Variants in OCA2 observed in about 807,000 individuals in gnomAD.
The protein encoded by OCA2 is OCA2 melanosomal transmembrane protein.
Under a neutral mutation model 100.2 loss-of-function variants are expected in OCA2, and 77 were observed. The observed-to-expected ratio is 0.77, with a 90% CI of 0.64 to 0.93. The LOEUF (loss-of-function observed/expected upper bound fraction) is 0.93. OCA2 is among the 40% of genes least tolerant of loss of function. The pLI, the probability that OCA2 is intolerant of heterozygous loss-of-function variation, is 0.00. For missense variants in OCA2, 1,062 were observed against 1,089.1 expected, an observed-to-expected ratio of 0.98 and a Z score of 0.35; for synonymous variants, 432 against 439.2, an observed-to-expected ratio of 0.98 and a Z score of 0.21.
At chr15:27,727,282 G>A in the OCA2 span, among the ~76,000 whole-genome samples, 1 of 152,198 alleles carries the variant, frequency 6.6e-6, no homozygotes, top group East Asian at 1.9e-4. Context: ...TCAACTGAGA[G>A]TCTAGGAATT....
chr15:27,847,228 G>A (rs2035569545), intron 22 of OCA2, among the ~76,000 whole-genome samples: 2 of 152,220 alleles, frequency 1.3e-5, no homozygotes, highest in South Asian at 4.1e-4. Flanking sequence ...CTGATGAACA[G>A]CACTTAGACA....
chr15:27,941,008 GT>G (rs1210597768), intron 18 of OCA2, among the ~76,000 whole-genome samples: 1 of 152,146 alleles, frequency 6.6e-6, no homozygotes, highest in Non-Finnish European at 1.5e-5. Context: ...TGACTGCAAA[GT>G]TAGGGATATC....
intron 9 of OCA2, 37 bp from the exon 10 acceptor site, chr15:27,990,684 C>T (rs1339183339): frequency 6.3e-7 from 1 of 1,586,722 alleles, no homozygotes; most frequent in Non-Finnish European, 8.7e-7. Context: ...CGTTCCAGTG[C>T]ACGAGGGAGT....
In OCA2 at chr15:27,766,529, G is replaced by C. The variant is rs917782923; in HGVS notation, c.2433-11057C>G. Among the ~76,000 whole-genome samples, 4 of 152,234 alleles carry C rather than the reference G, an allele frequency of 2.6e-5. No individual in the cohort carries two copies. The East Asian group carries it at 7.7e-4, about 29-fold the overall frequency. On this transcript the variant is annotated intron_variant, in intron 23 of 23. Transcript: ENST00000354638. ...GGTTGCTTAGTGAGGACACTAGGCA[G>C]TGTTGGCCTTGGCTTGGGGTGGTCA... is the stretch of plus-strand genomic sequence containing the variant.
intron 2 of OCA2, among the ~76,000 whole-genome samples, chr15:28,042,937 A>T (rs1388481881): frequency 6.6e-6 from 1 of 152,190 alleles, no homozygotes; most frequent in African/African-American, 2.4e-5. Flanking sequence ...GTTAGGGTTG[A>T]TGGTAACCTT....
At chr15:28,098,913 A>G (rs992126056) in intron 1 of OCA2, among the ~76,000 whole-genome samples, 1 of 152,158 alleles carries the variant, frequency 6.6e-6, no homozygotes, top group Admixed American at 6.5e-5. Context: ...CAAGTGGAAC[A>G]TTTGCTGTCT....
intron 23 of OCA2, among the ~76,000 whole-genome samples, chr15:27,810,152 G>A (rs147717425): frequency 1.1e-4 from 17 of 152,300 alleles, no homozygotes; most frequent in Admixed American, 3.3e-4. Context: ...ACACAGCATG[G>A]TACTGGTATA....
At chr15:28,069,370 C>G (rs574302442) in intron 2 of OCA2, among the ~76,000 whole-genome samples, 3 of 15,792 alleles carry the variant, frequency 1.9e-4, no homozygotes, top group African/African-American at 1.3e-3. Flanking sequence ...CTCCCTCTCC[C>G]TCTCCCTCTC....
At chr15:27,722,200 C>T in the OCA2 span, among the ~76,000 whole-genome samples, 1 of 152,232 alleles carries the variant, frequency 6.6e-6, no homozygotes, top group Non-Finnish European at 1.5e-5. Context: ...CTGGCCTCTA[C>T]GCTTAGACCG....
intron 19 of OCA2, among the ~76,000 whole-genome samples, chr15:27,890,458 G>C (rs2037410008): frequency 6.6e-6 from 1 of 152,142 alleles, no homozygotes; most frequent in African/African-American, 2.4e-5. Flanking sequence ...CTTGAATGCA[G>C]CCAGAAAGTA....
Position 27,952,780 on chromosome 15 carries a change from G to A in OCA2, c.1843-888C>T, listed in dbSNP as rs529790358. On this transcript the variant is annotated intron_variant, in intron 17 of 23. Transcript: ENST00000354638. Reference sequence around the variant, plus strand: ...CGCAACCTCCGCCTCCCAGGGTCACGTGATCCTCCTACCTCAGCCTCCCTC... The same window carrying A: ...CGCAACCTCCGCCTCCCAGGGTCACATGATCCTCCTACCTCAGCCTCCCTC... 2.8e-4 allele frequency among the ~76,000 whole-genome samples: 42 copies of A among 152,172 alleles called. No individual in the cohort carries two copies. The South Asian group carries it at 7.1e-3, about 26-fold the overall frequency.
At chr15:28,032,815 C>CAA (rs890086961) in intron 2 of OCA2, among the ~76,000 whole-genome samples, 3 of 143,320 alleles carry the variant, frequency 2.1e-5, no homozygotes, top group Non-Finnish European at 4.7e-5. Flanking sequence ...AAAAACAAAA[C>CAA]AAAAAAACAT....
chr15:27,957,864 G>T lies in OCA2; in HGVS notation c.1637-129C>A, dbSNP rs2040282421. 9.4e-7 allele frequency: 1 copy of T among 1,060,962 alleles called. No individual in the cohort carries two copies. 65.7% of individuals were successfully genotyped at this position (1,060,962 alleles called of 1,614,324 possible). ...ACTCGAGACGTGCAGGTAGCCCAGG[G>T]TCACCCAGAGCTTCTCAGCACCTGA... On this transcript the variant is annotated intron_variant, in intron 15 of 23. Transcript: ENST00000354638. This position sits in a 1 kb window ranked among gnomAD's most constrained non-coding sequence, Gnocchi z 4.3.
intron 15 of OCA2, among the ~76,000 whole-genome samples, chr15:27,958,886 G>A (rs1303324157): frequency 2.0e-5 from 3 of 152,144 alleles, no homozygotes; most frequent in Admixed American, 6.5e-5. Flanking sequence ...AGAGCAGCTC[G>A]GGGCAGATTC....
intron 19 of OCA2, among the ~76,000 whole-genome samples, chr15:27,911,074 G>A (rs1401381497): frequency 6.6e-6 from 1 of 152,204 alleles, no homozygotes; most frequent in Non-Finnish European, 1.5e-5. Context: ...AGGATAGTAA[G>A]CATGAGGAGA....
intron 23 of OCA2, among the ~76,000 whole-genome samples, chr15:27,771,138 C>A (rs1020628787): frequency 7.2e-6 from 1 of 139,054 alleles, no homozygotes; most frequent in Non-Finnish European, 1.6e-5. Flanking sequence ...TCCCTCCCTT[C>A]CTTCCCTCCC....
At chr15:27,918,436 A>G (rs888775630) in intron 19 of OCA2, among the ~76,000 whole-genome samples, 1 of 152,174 alleles carries the variant, frequency 6.6e-6, no homozygotes, top group Non-Finnish European at 1.5e-5. Flanking sequence ...GGACCCAAAT[A>G]AAAACATGAA....
the OCA2 span, among the ~76,000 whole-genome samples, chr15:27,724,814 C>CTT: frequency 5.0e-4 from 73 of 147,138 alleles, no homozygotes; most frequent in South Asian, 8.6e-4. Flanking sequence ...GTGAGAGACG[C>CTT]TTTTTTTTTT....
At chr15:28,050,350 A>G (rs1219694840) in intron 2 of OCA2, among the ~76,000 whole-genome samples, 1 of 152,248 alleles carries the variant, frequency 6.6e-6, no homozygotes, top group South Asian at 2.1e-4. Context: ...CCTGAGGTCG[A>G]GTTCGAGACC....
Sources: allele counts gnomAD v4.1 joint callset (sites outside exome capture counted in the v4.1 genomes callset), GRCh38; gene constraint gnomAD v4.1.1; non-coding constraint Gnocchi (gnomAD v3.1); transcripts MANE v1.5; gene names NCBI Gene and HGNC (gene_info 2026-07-23, HGNC 2026-07-21).